The following UGT1A5 variants were observed in gnomAD, a reference collection of about 807,000 sequenced individuals.
UGT1A5 encodes UDP-glucuronosyltransferase 1A5.
Under a neutral mutation model 40.3 loss-of-function variants are expected in UGT1A5, and 29 were observed. The ratio of observed to expected loss-of-function variants is 0.72; its 90% confidence interval spans 0.54 to 0.98. The LOEUF (loss-of-function observed/expected upper bound fraction) is 0.98. Among genes scored for constraint, UGT1A5 ranks in the 50% least tolerant of loss-of-function variants. The probability of loss-of-function intolerance (pLI) is 0.00; values close to 1 mark genes in which losing one functional copy is unlikely to be tolerated. For synonymous variants in UGT1A5, 257 were observed against 262.5 expected (o/e 0.98, Z 0.20); for missense variants, 678 against 677.9 (o/e 1.00, Z 0.00).
rs1358825451 is a variant in UGT1A5, at chr2:233,772,781, A to T, written c.*222A>T. ...TATCGTGCCCCCTCTGGTGTCTTTG[A>T]TCAGGATGACATGTGCCATTTTTCA... On this transcript the variant is annotated 3_prime_UTR_variant, in exon 5 of 5. Transcript: ENST00000373414. The T allele has an allele frequency of 2.3e-6, 3 of 1,287,486 alleles. No homozygotes were observed. Among genetic ancestry groups the T allele is most frequent in the Non-Finnish European group, 3.1e-6 (3 of 975,386 alleles). The allele number at this position is 1,287,486 out of a possible 1,614,324, so 79.8% of individuals were successfully genotyped here.
chr2:233,763,186 T>C (rs1029740722), intron 1 of UGT1A5, among the ~76,000 whole-genome samples: 4 of 152,264 alleles, frequency 2.6e-5, no homozygotes, highest in Non-Finnish European at 4.4e-5. Flanking sequence ...TATTTGTTGT[T>C]GCCTTGTTTG....
At chr2:233,728,912 TC>T in intron 1 of UGT1A5, among the ~76,000 whole-genome samples, 1 of 148,378 alleles carries the variant, frequency 6.7e-6, no homozygotes, top group Non-Finnish European at 1.5e-5. Context: ...GACGTGTTTT[TC>T]AAGATAGTCA....
intron 1 of UGT1A5, among the ~76,000 whole-genome samples, chr2:233,765,473 G>A (rs1334073223): frequency 6.6e-6 from 1 of 152,142 alleles, no homozygotes; most frequent in Admixed American, 6.5e-5. Flanking sequence ...GGATGAAGCT[G>A]GAAGCCATCA....
chr2:233,756,969 C>G (rs1044581590), intron 1 of UGT1A5, among the ~76,000 whole-genome samples: 1 of 151,840 alleles, frequency 6.6e-6, no homozygotes, highest in East Asian at 1.9e-4. Flanking sequence ...TTGGTAAGCA[C>G]GCAATGAACA....
At chr2:233,738,083 T>G (rs1690690537) in intron 1 of UGT1A5, among the ~76,000 whole-genome samples, 1 of 152,170 alleles carries the variant, frequency 6.6e-6, no homozygotes, top group Admixed American at 6.5e-5. Context: ...CCTAATCTCA[T>G]CATAGTGAGT....
At chr2:233,747,180 G>A in intron 1 of UGT1A5, 1 of 1,601,796 alleles carries the variant, frequency 6.2e-7, no homozygotes, top group South Asian at 1.1e-5. Flanking sequence ...CACAGCGTGG[G>A]GTGGACAGTC....
chr2:233,764,353 C>G (rs556692571), intron 1 of UGT1A5, among the ~76,000 whole-genome samples: 23 of 152,240 alleles, frequency 1.5e-4, no homozygotes, highest in Non-Finnish European at 2.8e-4. Flanking sequence ...CTTTATTGAG[C>G]CTCATAGTAG....
intron 1 of UGT1A5, chr2:233,743,410 C>A: frequency 2.3e-6 from 3 of 1,318,156 alleles, no homozygotes; most frequent in African/African-American, 1.5e-5. Flanking sequence ...AAGGCCCCCA[C>A]TTCCCAGGGA....
intron 1 of UGT1A5, chr2:233,761,074 G>C (rs1315793944): frequency 1.2e-6 from 2 of 1,614,148 alleles, no homozygotes; most frequent in Admixed American, 1.7e-5. Context: ...CTTTGTGAAG[G>C]ATTACCCTAG....
chr2:233,761,087 C>T, intron 1 of UGT1A5: 1 of 1,614,136 alleles, frequency 6.2e-7, no homozygotes. Context: ...TACCCTAGGC[C>T]CATCATGCCC....
Position 233,773,228 on chromosome 2 carries a change from T to C in UGT1A5, c.*669T>C, listed in dbSNP as rs570239690. The C allele has an allele frequency of 6.6e-6, 1 of 152,468 alleles. No homozygotes were observed. The highest frequency in any genetic ancestry group is 2.4e-5 in the African/African-American group (1 of 41,574). 9.4% of individuals were successfully genotyped at this position (152,468 alleles called of 1,614,324 possible). A position where few individuals can be genotyped will look rare whatever the true frequency, so the allele number is the denominator to read the frequency against. ...AAAAACCCAAAATACAGCTATGAAG[T>C]GCTGGGCAAGTTTACTTTTTTTCTG... On this transcript the variant is annotated 3_prime_UTR_variant, in exon 5 of 5. Coordinates refer to ENST00000373414, the MANE Select transcript of UGT1A5 (RefSeq NM_019078.2).
chr2:233,747,828 A>G, intron 1 of UGT1A5: 8 of 1,613,512 alleles, frequency 5.0e-6, no homozygotes, highest in Non-Finnish European at 6.8e-6. Flanking sequence ...AGACCACATG[A>G]CATTCCTGCA....
rs1162609742 is a variant in UGT1A5 at position 233,768,299 on chromosome 2, G to A, written c.1167G>A (p.Met389Ile). ...AAAGCATATGCAATGGCGTTCCCAT[G>A]GTGATGATGCCCTTGTTTGGTGATC... ...VYESICNGVP[M>I]VMMPLFGDQM... Residue 389 changes from methionine to isoleucine, a missense_variant, in exon 4 of 5, where the codon ATG becomes ATA. Coordinates refer to ENST00000373414, the MANE Select transcript of UGT1A5 (RefSeq NM_019078.2). The A allele has an allele frequency of 2.5e-6, 4 of 1,614,176 alleles. No individual in the cohort carries two copies. The highest frequency in any genetic ancestry group is 2.7e-5 in the African/African-American group (2 of 75,038).
intron 1 of UGT1A5, chr2:233,719,737 T>A: frequency 6.2e-7 from 1 of 1,613,180 alleles, no homozygotes; most frequent in Non-Finnish European, 8.5e-7. Context: ...AAACACTTTT[T>A]AAAAAATGTA....
rs994477735 is a variant in UGT1A5, at chr2:233,769,472, T to C, written c.1307+1033T>C. Reference sequence around the variant, plus strand: ...ACGTGTGCATTCATATGCGTGTGTGTGTGTGTGCGTGTGTTTATGAGAGTG... The same window carrying C: ...ACGTGTGCATTCATATGCGTGTGTGCGTGTGTGCGTGTGTTTATGAGAGTG... On this transcript the variant is annotated intron_variant, in intron 4 of 4. Transcript: ENST00000373414. The surrounding 1 kb of genome is among the most constrained non-coding windows in gnomAD (Gnocchi z 4.4). 4.2e-5 allele frequency: 68 copies of C among 1,609,292 alleles called. No homozygotes were observed. In the African/African-American group the frequency reaches 8.3e-4, roughly 20 times the overall value.
intron 1 of UGT1A5, among the ~76,000 whole-genome samples, chr2:233,731,166 GA>G (rs1244756545): frequency 7.9e-5 from 12 of 151,866 alleles, no homozygotes; most frequent in Admixed American, 3.3e-4. Flanking sequence ...CAAACGACAT[GA>G]TTTTTTTATG....
chr2:233,726,069 G>A (rs1424606442), intron 1 of UGT1A5, among the ~76,000 whole-genome samples: 2 of 152,174 alleles, frequency 1.3e-5, no homozygotes, highest in African/African-American at 4.8e-5. Context: ...AGGAGGCTGA[G>A]GCAGGAGGAT....
intron 1 of UGT1A5, among the ~76,000 whole-genome samples, chr2:233,736,165 G>T (rs533285485): frequency 6.6e-6 from 1 of 152,206 alleles, no homozygotes; most frequent in Non-Finnish European, 1.5e-5. Flanking sequence ...CGTAGATTTG[G>T]TCTTTCCACA....
At chr2:233,735,393 C>T (rs948009314) in intron 1 of UGT1A5, among the ~76,000 whole-genome samples, 32 of 152,066 alleles carry the variant, frequency 2.1e-4, no homozygotes, top group Non-Finnish European at 3.5e-4. Flanking sequence ...TTATTTTGAG[C>T]CTATGTGTGT....
Sources: gnomAD v4.1 joint callset for allele counts (sites outside exome capture counted in the v4.1 genomes callset) on GRCh38, gnomAD v4.1.1 for gene constraint, Gnocchi (gnomAD v3.1) non-coding constraint, MANE v1.5 for transcripts, NCBI Gene and HGNC (gene_info 2026-07-23, HGNC 2026-07-21) for gene names.